PTPRG: variants seen among roughly 807,000 people sequenced by gnomAD.
PTPRG encodes the protein receptor-type tyrosine-protein phosphatase gamma.
In PTPRG, 102 loss-of-function variants were observed where a neutral mutation model predicts 165.3. The ratio of observed to expected loss-of-function variants is 0.62; its 90% CI spans 0.53 to 0.73. The LOEUF (loss-of-function observed/expected upper bound fraction) is 0.73, where lower values mean the gene tolerates loss of function less well. Ranked by LOEUF, PTPRG falls within the 30% of genes least tolerant of loss-of-function variation. The pLI is 0.00. For missense variants in PTPRG, 1,866 were observed against 1,861.4 expected (o/e 1.00, Z -0.05); for synonymous variants, 675 against 669.5 (o/e 1.01, Z -0.13).
intron 7 of PTPRG, among the ~76,000 whole-genome samples, chr3:62,167,726 C>A (rs1191860963): frequency 6.6e-6 from 1 of 152,080 alleles, no homozygotes; most frequent in African/African-American, 2.4e-5. Context: ...GCGGTATAGC[C>A]CTCAAATGAA....
At chr3:61,764,114 G>A (rs1180957581) in intron 2 of PTPRG, among the ~76,000 whole-genome samples, 1 of 152,154 alleles carries the variant, frequency 6.6e-6, no homozygotes, top group African/African-American at 2.4e-5. Context: ...GAAGATGTGG[G>A]TATAAGACCT....
At chr3:61,571,603 CTG>C (rs1449370110) in intron 1 of PTPRG, among the ~76,000 whole-genome samples, 2 of 152,146 alleles carry the variant, frequency 1.3e-5, no homozygotes, top group South Asian at 2.1e-4. Flanking sequence ...CTGATAATAA[CTG>C]TGGATAGAGT....
Position 61,989,747 on chromosome 3 carries a change from G to T in PTPRG, c.313G>T (p.Asp105Tyr). 4 of 1,614,120 alleles carry T rather than the reference G, an allele frequency of 2.5e-6. No homozygotes were observed. Among genetic ancestry groups the T allele is most frequent in the Non-Finnish European group, 3.4e-6 (4 of 1,179,992 alleles). The stretch of plus-strand genomic sequence containing the variant: ...GGAAGAATACCAGGAACTGCAACTC[G>T]ATGGCTTCGACAATGAGTCTTCTAA... Reference protein sequence around the residue: ...VGEEYQELQLDGFDNESSNKT... With the variant: ...VGEEYQELQLYGFDNESSNKT... The change falls in exon 3 of 30, where the codon GAT becomes TAT. Residue 105 changes from aspartate to tyrosine, a missense_variant. Asp to Tyr is a radical substitution (Grantham distance 160). Coordinates refer to ENST00000474889, the MANE Select transcript of PTPRG (RefSeq NM_002841.4).
At chr3:61,874,600 G>A (rs1422898370) in intron 2 of PTPRG, among the ~76,000 whole-genome samples, 2 of 151,902 alleles carry the variant, frequency 1.3e-5, no homozygotes, top group African/African-American at 4.8e-5. Context: ...TTGATTCCCA[G>A]CCAGGAATGG....
intron 2 of PTPRG, among the ~76,000 whole-genome samples, chr3:61,924,978 A>G (rs2039171647): frequency 6.6e-6 from 1 of 152,230 alleles, no homozygotes; most frequent in Admixed American, 6.5e-5. Flanking sequence ...GATATCTGCA[A>G]GCCAGGAAGG....
At chr3:62,116,393 T>C (rs1193513927) in intron 5 of PTPRG, among the ~76,000 whole-genome samples, 2 of 152,204 alleles carry the variant, frequency 1.3e-5, no homozygotes, top group Non-Finnish European at 2.9e-5. Flanking sequence ...AAGTTGGTGA[T>C]GCTTTATGCA....
At chr3:61,965,460 C>A (rs2040249774) in intron 2 of PTPRG, among the ~76,000 whole-genome samples, 1 of 142,600 alleles carries the variant, frequency 7.0e-6, no homozygotes, top group Non-Finnish European at 1.5e-5. Flanking sequence ...AGCACTCCAG[C>A]CTGGGTGACA....
intron 1 of PTPRG, among the ~76,000 whole-genome samples, chr3:61,590,934 A>C (rs557700455): frequency 6.6e-6 from 1 of 152,280 alleles, no homozygotes; most frequent in South Asian, 2.1e-4. Flanking sequence ...ACATGATGAA[A>C]TACCATGTCT....
At position 62,155,283 on chromosome 3, in the gene PTPRG, C is replaced by T. The variant is rs191428699; in HGVS notation, c.683-1784C>T. 1.8e-4 allele frequency among the ~76,000 whole-genome samples: 27 copies of T among 152,336 alleles called. No homozygotes were observed. In the South Asian group the frequency reaches 3.3e-3, roughly 19 times the overall value. On this transcript the variant is annotated intron_variant, in intron 6 of 29. Transcript: ENST00000474889. Reference sequence around the variant, plus strand: ...GCCTCACGAATAACTGCTGTTACTTCGCTGTTCACCAGTGCTTGGGCTTGG... The same window carrying T: ...GCCTCACGAATAACTGCTGTTACTTTGCTGTTCACCAGTGCTTGGGCTTGG...
intron 1 of PTPRG, among the ~76,000 whole-genome samples, chr3:61,691,299 C>G (rs1027685399): frequency 2.0e-5 from 3 of 152,110 alleles, no homozygotes; most frequent in African/African-American, 7.2e-5. Context: ...CCCATCTACT[C>G]TGGAGGCTGA....
intron 2 of PTPRG, among the ~76,000 whole-genome samples, chr3:61,966,676 T>C (rs925988511): frequency 2.6e-5 from 4 of 152,204 alleles, no homozygotes; most frequent in African/African-American, 9.6e-5. Context: ...TGGGTGTTTA[T>C]TATATGCCAG....
chr3:61,769,136 C>A (rs1332942756), intron 2 of PTPRG, among the ~76,000 whole-genome samples: 1 of 152,126 alleles, frequency 6.6e-6, no homozygotes, highest in Non-Finnish European at 1.5e-5. Context: ...TTACTAGAAA[C>A]AATGACATTT....
intron 15 of PTPRG, among the ~76,000 whole-genome samples, chr3:62,246,065 T>C (rs1701282150): frequency 6.6e-6 from 1 of 152,176 alleles, no homozygotes; most frequent in South Asian, 2.1e-4. Context: ...TGTGTCTTTT[T>C]CCCTTTTAAA....
At chr3:62,078,832 C>A (rs1277861335) in intron 5 of PTPRG, among the ~76,000 whole-genome samples, 2 of 152,200 alleles carry the variant, frequency 1.3e-5, no homozygotes, top group Admixed American at 6.5e-5. Context: ...AGAATCCCAG[C>A]ATTGCATCCT....
chr3:61,791,653 A>C (rs943084716), intron 2 of PTPRG, among the ~76,000 whole-genome samples: 1 of 152,104 alleles, frequency 6.6e-6, no homozygotes, highest in Non-Finnish European at 1.5e-5. Context: ...ACGCCTGGCT[A>C]ATGTTTATAT....
intron 4 of PTPRG, among the ~76,000 whole-genome samples, chr3:62,032,923 C>T (rs983846068): frequency 6.6e-6 from 1 of 152,138 alleles, no homozygotes; most frequent in Non-Finnish European, 1.5e-5. Flanking sequence ...ACAGGCTTAT[C>T]TATAAATGCG....
chr3:62,134,849 G>T (rs943209032), intron 6 of PTPRG, among the ~76,000 whole-genome samples: 2 of 152,208 alleles, frequency 1.3e-5, no homozygotes, highest in Non-Finnish European at 2.9e-5. Flanking sequence ...TTCAAAATAT[G>T]AAATGGGATG....
intron 5 of PTPRG, among the ~76,000 whole-genome samples, chr3:62,119,927 C>G (rs1049874996): frequency 4.5e-4 from 69 of 151,872 alleles, no homozygotes; most frequent in African/African-American, 1.5e-3. Context: ...AGCCACCGTG[C>G]CCGGCCAGAT....
intron 2 of PTPRG, among the ~76,000 whole-genome samples, chr3:61,888,319 G>GTTTTTT (rs1466488826): frequency 2.2e-5 from 3 of 136,294 alleles, no homozygotes; most frequent in Non-Finnish European, 4.5e-5. Context: ...AGGAAAATGG[G>GTTTTTT]TTGTTTTTTT....
Sources: allele counts gnomAD v4.1 joint callset (sites outside exome capture counted in the v4.1 genomes callset), GRCh38; gene constraint gnomAD v4.1.1; transcripts MANE v1.5; gene names NCBI Gene and HGNC (gene_info 2026-07-23, HGNC 2026-07-21).